Variants in LRFN5 observed in about 807,000 individuals in gnomAD.
LRFN5 encodes the protein leucine rich repeat and fibronectin type III domain containing 5.
In LRFN5, 24 loss-of-function variants were observed where a neutral mutation model predicts 45.6. The ratio of observed to expected loss-of-function variants is 0.53; its 90% CI spans 0.38 to 0.74. The LOEUF is 0.74. LRFN5 is among the 30% of genes least tolerant of loss of function. The pLI, the probability that LRFN5 is intolerant of heterozygous loss-of-function variation, is 0.00. For missense variants in LRFN5, 776 were observed against 861.5 expected (o/e 0.90, Z 1.24); for synonymous variants, 340 against 313.8 (o/e 1.08, Z -0.88).
At chr14:41,834,567 ACTCT>A (rs1316688481) in intron 2 of LRFN5, among the ~76,000 whole-genome samples, 2 of 152,036 alleles carry the variant, frequency 1.3e-5, no homozygotes, top group Admixed American at 6.6e-5. Flanking sequence ...GATAAAGTAC[ACTCT>A]CTATATCTTC....
At chr14:41,868,785 C>T (rs989207898) in intron 2 of LRFN5, among the ~76,000 whole-genome samples, 6 of 151,950 alleles carry the variant, frequency 3.9e-5, no homozygotes, top group African/African-American at 1.2e-4. Flanking sequence ...TTATTCATAC[C>T]GAAAAGTGCA....
intron 1 of LRFN5, among the ~76,000 whole-genome samples, chr14:41,710,277 C>A (rs1040942222): frequency 7.9e-5 from 12 of 152,046 alleles, no homozygotes; most frequent in African/African-American, 2.9e-4. Flanking sequence ...GTCTCAGTCT[C>A]CAAACATTTT....
At chr14:41,710,847 C>T (rs1883254118) in intron 1 of LRFN5, among the ~76,000 whole-genome samples, 1 of 151,734 alleles carries the variant, frequency 6.6e-6, no homozygotes, top group African/African-American at 2.4e-5. Flanking sequence ...TCAATTCCCA[C>T]CTACGAGTGA....
At chr14:41,895,721 T>C (rs1890917129) in intron 4 of LRFN5, among the ~76,000 whole-genome samples, 1 of 151,904 alleles carries the variant, frequency 6.6e-6, no homozygotes, top group Non-Finnish European at 1.5e-5. Flanking sequence ...TTTTTTTTCC[T>C]AACCATTAAA....
chr14:41,892,726 T>C, intron 4 of LRFN5: 1 of 985,360 alleles, frequency 1.0e-6, no homozygotes, highest in Non-Finnish European at 1.2e-6. Context: ...TTAATGGTTG[T>C]AAGATATTTC....
intron 1 of LRFN5, among the ~76,000 whole-genome samples, chr14:41,647,068 C>A (rs1175183012): frequency 6.6e-6 from 1 of 152,146 alleles, no homozygotes. Flanking sequence ...TGGTATATAT[C>A]AATTTATGCA....
intron 2 of LRFN5, among the ~76,000 whole-genome samples, chr14:41,821,666 C>T (rs1888116600): frequency 6.7e-6 from 1 of 149,906 alleles, no homozygotes; most frequent in Non-Finnish European, 1.5e-5. Flanking sequence ...GGAGGATTTC[C>T]TCTTTTTTGA....
At chr14:41,724,419 G>C (rs951578597) in intron 1 of LRFN5, among the ~76,000 whole-genome samples, 1 of 152,040 alleles carries the variant, frequency 6.6e-6, no homozygotes, top group Non-Finnish European at 1.5e-5. Flanking sequence ...AAAAACCTTT[G>C]AAACACATTA....
intron 4 of LRFN5, 184 bp downstream of exon 4, chr14:41,892,146 A>G (rs914347237): frequency 5.1e-6 from 5 of 985,380 alleles, no homozygotes; most frequent in Non-Finnish European, 6.0e-6. Context: ...CATAGTGGAA[A>G]GGCAACTCTC....
Position 41,720,437 on chromosome 14 carries a change from C to T in LRFN5, c.-196-46417C>T, listed in dbSNP as rs1883669629. On this transcript the variant is annotated intron_variant, in intron 1 of 5. Transcript: ENST00000298119. ...CTTTTCAGCAGAATGATGTATTTCC[C>T]TTTGGATATATACCCAGTAATGCGA... is the stretch of plus-strand genomic sequence containing the variant. Among the ~76,000 whole-genome samples, 2 of 152,034 alleles carry T rather than the reference C, an allele frequency of 1.3e-5. 1 individual carries two copies. Among genetic ancestry groups the T allele is most frequent in the Admixed American group, 1.3e-4 (2 of 15,260 alleles).
intron 1 of LRFN5, among the ~76,000 whole-genome samples, chr14:41,699,098 T>G (rs1882732408): frequency 6.6e-6 from 1 of 152,000 alleles, no homozygotes; most frequent in Non-Finnish European, 1.5e-5. Context: ...TTTTTTTTCA[T>G]TTTTACCACT....
At chr14:41,702,745 A>G (rs186543602) in intron 1 of LRFN5, among the ~76,000 whole-genome samples, 1 of 151,896 alleles carries the variant, frequency 6.6e-6, no homozygotes, top group African/African-American at 2.4e-5. Context: ...GACTATAGAC[A>G]TGAGCCACTA....
intron 4 of LRFN5, among the ~76,000 whole-genome samples, chr14:41,896,683 T>C (rs1241802361): frequency 6.6e-6 from 1 of 152,192 alleles, no homozygotes; most frequent in East Asian, 1.9e-4. Context: ...TAGATAAATA[T>C]ACGCTGGGAT....
intron 1 of LRFN5, among the ~76,000 whole-genome samples, chr14:41,631,340 A>T (rs750847956): frequency 1.3e-5 from 2 of 151,978 alleles, no homozygotes; most frequent in African/African-American, 2.4e-5. Flanking sequence ...AATCTAATTG[A>T]TCCTTCAGAA....
At chr14:41,841,713 A>G (rs1252009745) in intron 2 of LRFN5, among the ~76,000 whole-genome samples, 1 of 151,712 alleles carries the variant, frequency 6.6e-6, no homozygotes, top group African/African-American at 2.4e-5. Context: ...CTCATTTTTT[A>G]TGAGTATACT....
At chr14:41,896,147 C>T (rs887831867) in intron 4 of LRFN5, among the ~76,000 whole-genome samples, 54 of 152,130 alleles carry the variant, frequency 3.5e-4, no homozygotes, top group African/African-American at 1.3e-3. Context: ...TTCATTATAG[C>T]AATAAATATA....
rs1889486749 is a variant in LRFN5, at chr14:41,856,801, C to CGAGTA, written c.-20-29803_-20-29799dup. On this transcript the variant is annotated intron_variant, in intron 2 of 5. Coordinates refer to ENST00000298119, the MANE Select transcript of LRFN5 (RefSeq NM_152447.5). ...ACGCCATTCTCCTGCCTCAGCCTCC[C>CGAGTA]GAGTAGCTGGGACTACAGGCGCCCG... Among the ~76,000 whole-genome samples the CGAGTA allele has an allele frequency of 3.4e-5, 5 of 145,416 alleles. No individual in the cohort carries two copies. The South Asian group carries it at 1.1e-3, about 32-fold the overall frequency.
chr14:41,903,158 G>A (rs978435573), intron 5 of LRFN5, among the ~76,000 whole-genome samples: 50 of 151,238 alleles, frequency 3.3e-4, no homozygotes, highest in Admixed American at 3.3e-3. Context: ...ATTTTGAAAT[G>A]TTTTCTTAAA....
chr14:41,645,102 A>G (rs1359098390), intron 1 of LRFN5, among the ~76,000 whole-genome samples: 1 of 152,148 alleles, frequency 6.6e-6, no homozygotes, highest in African/African-American at 2.4e-5. Flanking sequence ...AATTCCTTCA[A>G]CTGTAAAATG....
Sources: gnomAD v4.1 joint callset for allele counts (sites outside exome capture counted in the v4.1 genomes callset) on GRCh38, gnomAD v4.1.1 for gene constraint, MANE v1.5 for transcripts, NCBI Gene and HGNC (gene_info 2026-07-23, HGNC 2026-07-21) for gene names.